TCEA1: variants seen among roughly 807,000 people sequenced by gnomAD.
TCEA1 encodes the protein transcription elongation factor A protein 1.
TCEA1 carries 21 observed loss-of-function variants against 43.8 expected under a neutral mutation model. The ratio of observed to expected loss-of-function variants is 0.48; its 90% CI spans 0.34 to 0.69. TCEA1 has a LOEUF of 0.69. TCEA1 is among the 30% of genes least tolerant of loss of function. The pLI, the probability that TCEA1 is intolerant of heterozygous loss-of-function variation, is 0.01. For synonymous variants in TCEA1, 104 were observed against 117.5 expected, an observed-to-expected ratio of 0.88 and a Z score of 0.75; for missense variants, 250 against 365.1, an observed-to-expected ratio of 0.68 and a Z score of 2.57.
intron 3 of TCEA1, among the ~76,000 whole-genome samples, chr8:53,995,457 C>CA (rs967341354): frequency 6.7e-4 from 102 of 151,544 alleles, no homozygotes; most frequent in Non-Finnish European, 5.6e-4. Context: ...ATACCTGTCT[C>CA]AAAAAAAACA....
chr8:53,983,157 G>A (rs1366675008), intron 7 of TCEA1, among the ~76,000 whole-genome samples: 5 of 152,196 alleles, frequency 3.3e-5, no homozygotes, highest in African/African-American at 7.2e-5. Flanking sequence ...GCAATTTTTA[G>A]CAAGGTGTAC....
intron 1 of TCEA1, among the ~76,000 whole-genome samples, chr8:54,013,361 G>C (rs1804715992): frequency 6.6e-6 from 1 of 152,096 alleles, no homozygotes; most frequent in African/African-American, 2.4e-5. Context: ...TTTCACTGAA[G>C]GGTCTTTAAG....
intron 1 of TCEA1, 96 bp downstream of exon 1, chr8:54,021,967 C>CAGGGGGAGGGGAGGGAGAAGGAGGG: frequency 8.1e-7 from 1 of 1,233,210 alleles, no homozygotes; most frequent in Non-Finnish European, 1.1e-6. Flanking sequence ...CGGGAGGCTG[C>CAGGGGGAGGGGAGGGAGAAGGAGGG]AGGGGGAGGG....
chr8:53,998,366 G>A (rs777100667), intron 3 of TCEA1, among the ~76,000 whole-genome samples: 4 of 152,008 alleles, frequency 2.6e-5, no homozygotes, highest in Non-Finnish European at 5.9e-5. Flanking sequence ...AATTTTCTGT[G>A]AGTCACTTAT....
At chr8:53,979,573 G>C (rs1199381406) in intron 7 of TCEA1, among the ~76,000 whole-genome samples, 2 of 152,186 alleles carry the variant, frequency 1.3e-5, no homozygotes, top group Non-Finnish European at 2.9e-5. Flanking sequence ...GATGGTAACA[G>C]TCCTTCCCTA....
intron 2 of TCEA1, 90 bp downstream of exon 2, chr8:54,010,340 G>A (rs1324490655): frequency 3.1e-6 from 3 of 966,736 alleles, no homozygotes; most frequent in East Asian, 2.7e-5. Context: ...CCATTATCAA[G>A]AGACTACAAA....
intron 1 of TCEA1, among the ~76,000 whole-genome samples, chr8:54,012,579 A>C (rs1202921850): frequency 6.6e-6 from 1 of 152,034 alleles, no homozygotes; most frequent in African/African-American, 2.4e-5. Flanking sequence ...AAAACAAAAC[A>C]AAAAAAAGAA....
intron 2 of TCEA1, among the ~76,000 whole-genome samples, chr8:54,005,331 C>T (rs1586027730): frequency 6.6e-6 from 1 of 152,162 alleles, no homozygotes; most frequent in South Asian, 2.1e-4. Flanking sequence ...TTAAGCACTA[C>T]CATATCAGTC....
At chr8:53,982,063 T>C (rs1803528283) in intron 7 of TCEA1, among the ~76,000 whole-genome samples, 1 of 151,888 alleles carries the variant, frequency 6.6e-6, no homozygotes, top group African/African-American at 2.4e-5. Flanking sequence ...CATGCCCAAC[T>C]GACTTTCAAG....
intron 4 of TCEA1, 46 bp downstream of exon 4, chr8:53,993,622 A>G: frequency 1.3e-6 from 2 of 1,499,740 alleles, no homozygotes; most frequent in Non-Finnish European, 1.8e-6. Context: ...TGCAGGAAGT[A>G]AAACTATGAC....
At chr8:53,984,100 C>T (rs572455825) in intron 7 of TCEA1, among the ~76,000 whole-genome samples, 5 of 151,408 alleles carry the variant, frequency 3.3e-5, no homozygotes, top group Non-Finnish European at 5.9e-5. Context: ...AACTCTGTCT[C>T]GAAAGAAAAA....
In TCEA1 at chr8:53,984,532, A is replaced by C; in HGVS notation, c.524-15T>G. The stretch of plus-strand genomic sequence containing the variant: ...TTGATATATAGGTACCAGGCCGTTA[A>C]GGAAAAAAGGCAAAATTACAAAAGT... On this transcript the variant is annotated splice_polypyrimidine_tract_variant and intron_variant, in intron 6 of 9. Coordinates refer to ENST00000521604, the MANE Select transcript of TCEA1 (RefSeq NM_006756.4). 1 of 1,536,036 alleles carries C rather than the reference A, an allele frequency of 6.5e-7. No individual in the cohort carries two copies. The highest frequency in any genetic ancestry group is 8.7e-7 in the Non-Finnish European group (1 of 1,145,830).
At chr8:54,021,929 C>G in intron 1 of TCEA1, 134 bp downstream of exon 1, 1 of 851,224 alleles carries the variant, frequency 1.2e-6, no homozygotes, top group Non-Finnish European at 1.6e-6. Context: ...TCCCCGGGGA[C>G]GCGGGCGCGG....
intron 9 of TCEA1, among the ~76,000 whole-genome samples, chr8:53,969,359 C>G (rs1803087839): frequency 1.3e-5 from 2 of 151,998 alleles, no homozygotes; most frequent in African/African-American, 4.8e-5. Flanking sequence ...GTTGAAGAAG[C>G]CAAATGGATA....
chr8:53,984,290 TATG>T (rs1563476634), intron 7 of TCEA1, 70 bp downstream of exon 7: 4 of 1,374,910 alleles, frequency 2.9e-6, no homozygotes, highest in Non-Finnish European at 3.9e-6. Context: ...TATAGTAGTC[TATG>T]ATGATAATAG....
chr8:53,991,842 G>A (rs1040686776), intron 4 of TCEA1, among the ~76,000 whole-genome samples: 7 of 151,088 alleles, frequency 4.6e-5, no homozygotes, highest in Non-Finnish European at 7.4e-5. Context: ...GCCTACCTTT[G>A]ACTTACCTCT....
intron 2 of TCEA1, 68 bp from the exon 3 acceptor site, chr8:54,000,118 A>T (rs1804209334): frequency 1.2e-5 from 11 of 951,796 alleles, no homozygotes. Context: ...TTTCACCTAC[A>T]TTCTTTTCTT....
At chr8:53,990,706 C>A (rs1250256964) in intron 4 of TCEA1, among the ~76,000 whole-genome samples, 7 of 152,212 alleles carry the variant, frequency 4.6e-5, no homozygotes, top group Non-Finnish European at 8.8e-5. Context: ...GCTTTTGCTT[C>A]TGTGTCTGTA....
chr8:53,980,140 T>G (rs546555724), intron 7 of TCEA1, among the ~76,000 whole-genome samples: 76 of 152,296 alleles, frequency 5.0e-4, no homozygotes, highest in African/African-American at 1.8e-3. Flanking sequence ...CTATGAACAA[T>G]GTAAACTTAC....
Sources: allele counts gnomAD v4.1 joint callset (sites outside exome capture counted in the v4.1 genomes callset), GRCh38; gene constraint gnomAD v4.1.1; transcripts MANE v1.5; gene names NCBI Gene and HGNC (gene_info 2026-07-23, HGNC 2026-07-21).